Variants in EVC2 observed in about 807,000 individuals in gnomAD.
The protein encoded by EVC2 is EvC ciliary complex subunit 2, also known as limbin.
EVC2 carries 148 observed loss-of-function variants against 149.3 expected under a neutral mutation model. That is an observed-to-expected ratio of 0.99 (90% CI 0.87 to 1.14). The LOEUF (loss-of-function observed/expected upper bound fraction) is 1.14. Ranked by LOEUF, EVC2 falls within the 50% of genes most tolerant of loss-of-function variation. The probability of loss-of-function intolerance (pLI) is 0.00; values close to 1 mark genes in which losing one functional copy is unlikely to be tolerated. For synonymous variants in EVC2, 776 were observed against 649.9 expected, an observed-to-expected ratio of 1.19 and a Z score of -2.95; for missense variants, 1,854 against 1,627.3, an observed-to-expected ratio of 1.14 and a Z score of -2.40.
intron 10 of EVC2, among the ~76,000 whole-genome samples, chr4:5,634,236 T>C (rs1716746124): frequency 6.6e-6 from 1 of 152,142 alleles, no homozygotes; most frequent in South Asian, 2.1e-4. Flanking sequence ...ACATAATGAG[T>C]CACTCTATTA....
chr4:5,706,365 GAT>G (rs1722157487), intron 1 of EVC2, among the ~76,000 whole-genome samples: 6 of 15,340 alleles, frequency 3.9e-4, no homozygotes, highest in Admixed American at 7.3e-4. Flanking sequence ...CACATAGATA[GAT>G]ACATAGATAG....
chr4:5,542,127 C>A (rs1158194372), downstream of EVC2, among the ~76,000 whole-genome samples: 1 of 152,114 alleles, frequency 6.6e-6, no homozygotes, highest in Non-Finnish European at 1.5e-5. Context: ...AGAGAGCCCT[C>A]ACCAGTATCT....
the EVC2 span, among the ~76,000 whole-genome samples, chr4:5,532,685 T>C: frequency 6.6e-6 from 1 of 152,200 alleles, no homozygotes; most frequent in Non-Finnish European, 1.5e-5. Flanking sequence ...CTGCTGCCTC[T>C]GCACTGACCG....
chr4:5,610,694 A>AGGCTCACCTGCCG (rs1217849548), intron 16 of EVC2, among the ~76,000 whole-genome samples: 1 of 151,640 alleles, frequency 6.6e-6, no homozygotes, highest in Non-Finnish European at 1.5e-5. Context: ...CTCACCTCCC[A>AGGCTCACCTGCCG]GGCTCACCTG....
chr4:5,688,959 C>T (rs1423552397), intron 5 of EVC2, among the ~76,000 whole-genome samples, 198 bp downstream of exon 5: 1 of 152,152 alleles, frequency 6.6e-6, no homozygotes, highest in Non-Finnish European at 1.5e-5. Flanking sequence ...ATGAGAAATT[C>T]AGCTTTTTGG....
In EVC2 at chr4:5,631,407, A is replaced by G. The variant is rs189296220; in HGVS notation, c.1710+386T>C. 3.4e-3 allele frequency among the ~76,000 whole-genome samples: 523 copies of G among 152,276 alleles called. 4 individuals carry two copies. Among genetic ancestry groups the G allele is most frequent in the African/African-American group, 0.012 (504 of 41,562 alleles). ...GTATTTCCTTTCCACTGCTATATAC[A>G]TTAAACATATGTTATGCCAAGCACT... On this transcript the variant is annotated intron_variant, in intron 11 of 21. Transcript: ENST00000344408.
At chr4:5,668,919 A>G (rs1719450687) in intron 7 of EVC2, among the ~76,000 whole-genome samples, 1 of 152,180 alleles carries the variant, frequency 6.6e-6, no homozygotes, top group Non-Finnish European at 1.5e-5. Context: ...GATGTAGACA[A>G]GTTAAGATGA....
chr4:5,590,178 A>G (rs1358416154), intron 16 of EVC2, among the ~76,000 whole-genome samples: 1 of 152,148 alleles, frequency 6.6e-6, no homozygotes, highest in Non-Finnish European at 1.5e-5. Context: ...GGGGGAGAAG[A>G]ACCCATACTG....
chr4:5,595,141 T>C (rs1467992006), intron 16 of EVC2, among the ~76,000 whole-genome samples: 1 of 152,114 alleles, frequency 6.6e-6, no homozygotes, highest in Non-Finnish European at 1.5e-5. Context: ...TGGAAAACAC[T>C]CTGAAGGATA....
chr4:5,662,918 G>C (rs929915757), intron 9 of EVC2, among the ~76,000 whole-genome samples, 189 bp downstream of exon 9: 10 of 151,620 alleles, frequency 6.6e-5, no homozygotes, highest in Non-Finnish European at 1.5e-4. Flanking sequence ...CCTTAGAGCA[G>C]GAAGTATGTC....
intron 17 of EVC2, among the ~76,000 whole-genome samples, chr4:5,581,343 C>G (rs552666851): frequency 6.6e-6 from 1 of 152,174 alleles, no homozygotes; most frequent in Non-Finnish European, 1.5e-5. Context: ...TTCCTAGAGA[C>G]TTGTTACATT....
At chr4:5,690,529 G>C (rs574673218) in intron 4 of EVC2, among the ~76,000 whole-genome samples, 7 of 151,896 alleles carry the variant, frequency 4.6e-5, no homozygotes, top group Admixed American at 3.3e-4. Flanking sequence ...GCTAGAGAAC[G>C]AGTAACTGAG....
chr4:5,689,314 G>T lies in EVC2; in HGVS notation c.549C>A (p.Ala183=), dbSNP rs1234625047. ...TGTTGTTAACAAGCAGCCATATGCGGGCTGTCTGTGCTTCACTCGACCCAG... is the reference window on the plus strand; with the variant it reads ...TGTTGTTAACAAGCAGCCATATGCGTGCTGTCTGTGCTTCACTCGACCCAG... ...LVSGSSEAQT[A]RIWLLVNNTK... Residue 183 remains alanine, a synonymous_variant, in exon 5 of 22, where the codon GCC becomes GCA. Transcript: ENST00000344408. 3 of 1,614,150 alleles carry T rather than the reference G, an allele frequency of 1.9e-6. No homozygotes were observed. In the South Asian group the frequency reaches 3.3e-5, roughly 18 times the overall value.
rs116834501 is a variant in EVC2, at chr4:5,614,189, C to A, written c.2829+1233G>T. Among the ~76,000 whole-genome samples, 578 of 152,294 alleles carry A rather than the reference C, an allele frequency of 3.8e-3. 3 individuals carry two copies. The highest frequency in any genetic ancestry group is 6.8e-3 in the Middle Eastern group (2 of 294). On this transcript the variant is annotated intron_variant, in intron 16 of 21. Coordinates refer to ENST00000344408, the MANE Select transcript of EVC2 (RefSeq NM_147127.5). This position sits in a 1 kb window ranked among gnomAD's most constrained non-coding sequence, Gnocchi z 4.7. ...AGAGGAGACCCTGCCTCCTCTCCTA[C>A]CTACAGTCCACCCTGCTGCCAGCCT...
chr4:5,619,605 A>C (rs567330367), intron 14 of EVC2, among the ~76,000 whole-genome samples: 1 of 152,340 alleles, frequency 6.6e-6, no homozygotes, highest in East Asian at 1.9e-4. Flanking sequence ...TTAAGCCACC[A>C]GTTTGTGGTA....
downstream of EVC2, among the ~76,000 whole-genome samples, chr4:5,540,364 C>A (rs1721491349): frequency 6.6e-6 from 1 of 152,178 alleles, no homozygotes; most frequent in South Asian, 2.1e-4. Flanking sequence ...TATGTTCACA[C>A]AAATACATAC....
chr4:5,572,721 C>A (rs1212799699), intron 19 of EVC2, among the ~76,000 whole-genome samples: 4 of 152,122 alleles, frequency 2.6e-5, no homozygotes, highest in African/African-American at 9.7e-5. Context: ...TTTAAAAGGG[C>A]CCAGAATCTA....
At chr4:5,593,320 G>C (rs1044327644) in intron 16 of EVC2, among the ~76,000 whole-genome samples, 2 of 152,116 alleles carry the variant, frequency 1.3e-5, no homozygotes, top group Admixed American at 1.3e-4. Flanking sequence ...CTTCTTTCAA[G>C]TGTGCGTTAC....
chr4:5,673,133 T>G (rs1719759678), intron 7 of EVC2, among the ~76,000 whole-genome samples: 1 of 152,230 alleles, frequency 6.6e-6, no homozygotes, highest in Non-Finnish European at 1.5e-5. Flanking sequence ...AGGCTGTGTA[T>G]ACTTTACCAC....
Sources: gnomAD v4.1 joint callset for allele counts (sites outside exome capture counted in the v4.1 genomes callset) on GRCh38, gnomAD v4.1.1 for gene constraint, Gnocchi (gnomAD v3.1) non-coding constraint, MANE v1.5 for transcripts, NCBI Gene and HGNC (gene_info 2026-07-23, HGNC 2026-07-21) for gene names.